AK8: variants seen among roughly 807,000 people sequenced by gnomAD.
The protein encoded by AK8 is adenylate kinase 8.
AK8 carries 44 observed loss-of-function variants against 54.6 expected under a neutral mutation model. The ratio of observed to expected loss-of-function variants is 0.81; its 90% CI spans 0.63 to 1.04. The LOEUF (loss-of-function observed/expected upper bound fraction) is 1.04. Ranked by LOEUF, AK8 falls within the 50% of genes least tolerant of loss-of-function variation. The probability of loss-of-function intolerance (pLI) is 0.00; values close to 1 mark genes in which losing one functional copy is unlikely to be tolerated. For synonymous variants in AK8, 239 were observed against 245.6 expected, an observed-to-expected ratio of 0.97 and a Z score of 0.25; for missense variants, 555 against 613.6, an observed-to-expected ratio of 0.90 and a Z score of 1.01.
intron 2 of AK8, among the ~76,000 whole-genome samples, chr9:132,873,238 C>T (rs1267715493): frequency 6.6e-6 from 1 of 152,226 alleles, no homozygotes; most frequent in African/African-American, 2.4e-5. Flanking sequence ...TTCCTGGAAG[C>T]TGCTACCCAT....
chr9:132,861,270 T>C (rs1352300808), intron 4 of AK8: 2 of 152,278 alleles, frequency 1.3e-5, no homozygotes, highest in African/African-American at 2.4e-5. Flanking sequence ...ACTGTGGTTA[T>C]GGCTCCAGGG....
chr9:132,787,747 A>C (rs215157), intron 11 of AK8, among the ~76,000 whole-genome samples: 102,519 of 152,020 alleles, frequency 0.67, 34,684 homozygotes, highest in East Asian at 0.81. Flanking sequence ...TGTTGTGTAC[A>C]GGCATAAAGG....
At chr9:132,872,968 C>T (rs1052778049) in intron 2 of AK8, among the ~76,000 whole-genome samples, 4 of 152,190 alleles carry the variant, frequency 2.6e-5, no homozygotes, top group African/African-American at 4.8e-5. Flanking sequence ...CCCGCCACCA[C>T]GCCCAGCTAA....
At chr9:132,827,763 C>T (rs1039022902) in intron 7 of AK8, 3 of 503,380 alleles carry the variant, frequency 6.0e-6, no homozygotes, top group African/African-American at 3.9e-5. Flanking sequence ...TGGCATGACC[C>T]CCCACACTCT....
At chr9:132,795,916 T>C (rs900772650) in intron 10 of AK8, among the ~76,000 whole-genome samples, 7 of 152,178 alleles carry the variant, frequency 4.6e-5, no homozygotes, top group Non-Finnish European at 7.4e-5. Context: ...AAGGCCTCCA[T>C]TGTTTAGCGG....
intron 11 of AK8, among the ~76,000 whole-genome samples, chr9:132,780,651 A>G (rs1839424264): frequency 6.6e-6 from 1 of 152,232 alleles, no homozygotes; most frequent in South Asian, 2.1e-4. Flanking sequence ...AGGAACCTAT[A>G]TAGCAGTTTC....
At chr9:132,809,464 G>T in intron 10 of AK8, among the ~76,000 whole-genome samples, 1 of 152,194 alleles carries the variant, frequency 6.6e-6, no homozygotes, top group East Asian at 1.9e-4. Flanking sequence ...CCATCCTCCC[G>T]CTGGCAGGCA....
chr9:132,875,375 A>AG (rs138418096), intron 1 of AK8, 176 bp from the exon 2 acceptor site: 57,310 of 955,230 alleles, frequency 0.06, 3,819 homozygotes, highest in African/African-American at 0.31. Flanking sequence ...CAGAGGCATG[A>AG]GGGGGGCCAC....
intron 10 of AK8, among the ~76,000 whole-genome samples, chr9:132,808,531 G>C (rs988435980): frequency 1.3e-5 from 2 of 152,200 alleles, no homozygotes; most frequent in African/African-American, 4.8e-5. Context: ...TCGAAAGAAG[G>C]AGGTGTTGGC....
chr9:132,878,385 G>T (rs1564454222), upstream of AK8: 1 of 1,244,544 alleles, frequency 8.0e-7, no homozygotes, highest in Admixed American at 4.3e-5. This position sits in a 1 kb window ranked among gnomAD's most constrained non-coding sequence, Gnocchi z 4.7. Context: ...ATCCTCGGTC[G>T]CGCGGGTCGC....
intron 2 of AK8, among the ~76,000 whole-genome samples, chr9:132,869,819 G>A (rs1355422419): frequency 6.6e-6 from 1 of 152,110 alleles, no homozygotes; most frequent in Admixed American, 6.5e-5. Context: ...GAGTGGCAGG[G>A]AGGGTGGTCA....
chr9:132,731,727 T>C (rs779753797), intron 11 of AK8, among the ~76,000 whole-genome samples: 1 of 152,222 alleles, frequency 6.6e-6, no homozygotes, highest in Non-Finnish European at 1.5e-5. Context: ...AGCTCAGCTC[T>C]CTGGATGACT....
chr9:132,731,961 T>C (rs924967402), intron 11 of AK8, among the ~76,000 whole-genome samples: 1 of 152,244 alleles, frequency 6.6e-6, no homozygotes, highest in Non-Finnish European at 1.5e-5. Context: ...TGACCAACCA[T>C]AGTAATATGC....
intron 11 of AK8, among the ~76,000 whole-genome samples, chr9:132,768,184 T>C (rs1442752045): frequency 6.6e-6 from 1 of 152,198 alleles, no homozygotes; most frequent in Non-Finnish European, 1.5e-5. Flanking sequence ...GCACGTTATA[T>C]GCATGTACCG....
chr9:132,817,697 C>G lies in AK8; in HGVS notation c.890-2970G>C, dbSNP rs415561. Reference sequence around the variant, plus strand: ...AGCAAAGAGGGGGATGGGAAAGGACCGGAAGAAAAGAACCAAATCTAAGAG... The same window carrying G: ...AGCAAAGAGGGGGATGGGAAAGGACGGGAAGAAAAGAACCAAATCTAAGAG... On this transcript the variant is annotated intron_variant, in intron 9 of 12. Transcript: ENST00000298545. Among the ~76,000 whole-genome samples, 3 of 151,834 alleles carry G rather than the reference C, an allele frequency of 2.0e-5. No homozygotes were observed. The East Asian group carries it at 5.8e-4, about 29-fold the overall frequency.
intron 10 of AK8, among the ~76,000 whole-genome samples, chr9:132,813,237 C>T (rs1356921796): frequency 6.6e-6 from 1 of 152,136 alleles, no homozygotes; most frequent in Non-Finnish European, 1.5e-5. Flanking sequence ...CAGATCATTG[C>T]GTCTGACGGC....
At chr9:132,744,150 G>A (rs1208921894) in intron 11 of AK8, among the ~76,000 whole-genome samples, 2 of 152,126 alleles carry the variant, frequency 1.3e-5, no homozygotes, top group Non-Finnish European at 2.9e-5. Flanking sequence ...ACCCTCCAGT[G>A]TGCCTCACTA....
rs201746064 is a variant in AK8 at position 132,826,867 on chromosome 9, G to A, written c.744C>T (p.Asp248=). ...GCTTGTGTTTACCCTGGTAGAAGACGTCCACACATGGCTGGTCAGCACTGA... is the reference window on the plus strand; with the variant it reads ...GCTTGTGTTTACCCTGGTAGAAGACATCCACACATGGCTGGTCAGCACTGA... ...KVISADQPCV[D]VFYQALTYVQ... is the part of the protein sequence containing the mutation. Residue 248 remains aspartate, a synonymous_variant, in exon 8 of 13, where the codon GAC becomes GAT. Transcript: ENST00000298545. The surrounding 1 kb of genome is among the most constrained non-coding windows in gnomAD (Gnocchi z 4.5). 23 of 1,614,236 alleles carry A rather than the reference G, an allele frequency of 1.4e-5. No individual in the cohort carries two copies. The highest frequency in any genetic ancestry group is 6.7e-5 in the Admixed American group (4 of 60,028).
rs1177529365 is a variant in AK8 at position 132,875,252 on chromosome 9, T to C, written c.85-53A>G. The C allele has an allele frequency of 8.7e-6, 14 of 1,603,830 alleles. No homozygotes were observed. The East Asian group carries it at 2.9e-4, about 33-fold the overall frequency. ...GGTTAATACCTGCAAGGGCACCTGG[T>C]CACCACAGATACCAGCTATGGGGCC... On this transcript the variant is annotated intron_variant, in intron 1 of 12. Transcript: ENST00000298545.
Sources: allele counts gnomAD v4.1 joint callset (sites outside exome capture counted in the v4.1 genomes callset), GRCh38; gene constraint gnomAD v4.1.1; non-coding constraint Gnocchi (gnomAD v3.1); transcripts MANE v1.5; gene names NCBI Gene and HGNC (gene_info 2026-07-23, HGNC 2026-07-21).